PPTC7: variants seen among roughly 807,000 people sequenced by gnomAD.
The protein encoded by PPTC7 is protein phosphatase PTC7 homolog.
Under a neutral mutation model 30.8 loss-of-function variants are expected in PPTC7, and 6 were observed. That is an observed-to-expected ratio of 0.19 (90% CI 0.11 to 0.38). PPTC7 has a LOEUF of 0.38. PPTC7 is among the 10% of genes least tolerant of loss of function. PPTC7 has a pLI of 1.00. For missense variants in PPTC7, 218 were observed against 404.8 expected (o/e 0.54, Z 3.96); for synonymous variants, 163 against 168.1 (o/e 0.97, Z 0.23).
intron 3 of PPTC7, among the ~76,000 whole-genome samples, chr12:110,540,321 C>CCCCCT (rs377082561): frequency 1.4e-4 from 15 of 105,038 alleles, no homozygotes; most frequent in Non-Finnish European, 2.6e-4. Context: ...CCCCCCCCGC[C>CCCCCT]TTTTTTTTTT....
At chr12:110,555,081 G>A (rs1242476327) in intron 1 of PPTC7, among the ~76,000 whole-genome samples, 4 of 152,170 alleles carry the variant, frequency 2.6e-5, no homozygotes, top group Non-Finnish European at 5.9e-5. Flanking sequence ...AAGTAGCAGA[G>A]TGCCTATATA....
chr12:110,538,700 G>T (rs1026486964), intron 4 of PPTC7, among the ~76,000 whole-genome samples: 7 of 152,136 alleles, frequency 4.6e-5, no homozygotes, highest in Non-Finnish European at 8.8e-5. Flanking sequence ...AGAGATTCCT[G>T]TCGAGCTGTG....
intron 1 of PPTC7, among the ~76,000 whole-genome samples, chr12:110,576,801 A>T (rs1029839511): frequency 2.0e-5 from 3 of 152,226 alleles, no homozygotes; most frequent in Non-Finnish European, 4.4e-5. Context: ...TTGTGAATGT[A>T]AAAACTACTG....
intron 2 of PPTC7, among the ~76,000 whole-genome samples, chr12:110,550,911 CTCT>C (rs952602390): frequency 1.3e-5 from 2 of 152,166 alleles, no homozygotes; most frequent in African/African-American, 4.8e-5. Context: ...TTTCCTCTTG[CTCT>C]TCTTTCTTCT....
rs1257933047 is a variant in PPTC7 at position 110,583,054 on chromosome 12, A to C, written c.-23T>G. 6.2e-5 allele frequency: 84 copies of C among 1,362,816 alleles called. No homozygotes were observed. Among genetic ancestry groups the C allele is most frequent in the Non-Finnish European group, 7.4e-5 (79 of 1,068,472 alleles). 84.4% of individuals were successfully genotyped at this position (1,362,816 alleles called of 1,614,324 possible). A position where few individuals can be genotyped will look rare whatever the true frequency, so the allele number is the denominator to read the frequency against. ...CATCGCCGCCGCCGCCCCCCCGAGG[A>C]GGCGGGGGGCCGGGGGAGCAGGAGG... On this transcript the variant is annotated 5_prime_UTR_variant, in exon 1 of 6. Transcript: ENST00000354300.
intron 2 of PPTC7, among the ~76,000 whole-genome samples, chr12:110,551,012 G>A (rs2064346241): frequency 6.6e-6 from 1 of 152,124 alleles, no homozygotes; most frequent in Non-Finnish European, 1.5e-5. Flanking sequence ...CTGTCAGGTG[G>A]AATTCTGCAA....
rs1422693434 is a variant in PPTC7, at chr12:110,579,811, G to A, written c.223+2998C>T. ...GTGGATCACCTGGGGTTAGGAGTTC[G>A]AGTACAGCCTGGCCAACATGATGAA... is the stretch of plus-strand genomic sequence containing the variant. On this transcript the variant is annotated intron_variant, in intron 1 of 5. Coordinates refer to ENST00000354300, the MANE Select transcript of PPTC7 (RefSeq NM_139283.2). Among the ~76,000 whole-genome samples the A allele has an allele frequency of 3.9e-5, 6 of 152,250 alleles. No homozygotes were observed. In the East Asian group the frequency reaches 9.6e-4, roughly 24 times the overall value.
Position 110,533,892 on chromosome 12 carries a change from C to G in PPTC7, c.*3145G>C, listed in dbSNP as rs1415004213. The G allele has an allele frequency of 1.3e-5, 2 of 152,200 alleles. No individual in the cohort carries two copies. Among genetic ancestry groups the G allele is most frequent in the African/African-American group, 4.8e-5 (2 of 41,444 alleles). 9.4% of individuals were successfully genotyped at this position (152,200 alleles called of 1,614,324 possible). On this transcript the variant is annotated 3_prime_UTR_variant, in exon 6 of 6. Coordinates refer to ENST00000354300, the MANE Select transcript of PPTC7 (RefSeq NM_139283.2). ...ACTGTCCTATCCAGAACACACGCAG[C>G]TGATAGAGGAGAGGACGCTCTCCCA...
chr12:110,550,567 AAGG>A (rs1387797282), intron 2 of PPTC7, among the ~76,000 whole-genome samples: 5 of 152,036 alleles, frequency 3.3e-5, no homozygotes, highest in Non-Finnish European at 5.9e-5. Context: ...GGTGACTGGG[AAGG>A]AGGCCTTCTA....
At chr12:110,539,192 T>C (rs1228918048) in intron 4 of PPTC7, among the ~76,000 whole-genome samples, 1 of 152,114 alleles carries the variant, frequency 6.6e-6, no homozygotes, top group Non-Finnish European at 1.5e-5. Context: ...CCATTTTATA[T>C]GAAGAAAATA....
intron 2 of PPTC7, among the ~76,000 whole-genome samples, chr12:110,550,807 A>ACTG (rs1168733436): frequency 6.6e-6 from 1 of 152,214 alleles, no homozygotes; most frequent in East Asian, 1.9e-4. Flanking sequence ...TATTTCACCG[A>ACTG]CTAATCACCT....
chr12:110,540,322 T>TC (rs2064249465), intron 3 of PPTC7, among the ~76,000 whole-genome samples: 1 of 22,164 alleles, frequency 4.5e-5, no homozygotes, highest in African/African-American at 8.5e-5. Context: ...CCCCCCCGCC[T>TC]TTTTTTTTTT....
intron 1 of PPTC7, among the ~76,000 whole-genome samples, chr12:110,565,421 A>G (rs1164274943): frequency 6.6e-6 from 1 of 151,544 alleles, no homozygotes; most frequent in African/African-American, 2.4e-5. Context: ...ATGCTGGGAT[A>G]AGTTTTGTAT....
intron 2 of PPTC7, among the ~76,000 whole-genome samples, chr12:110,551,073 A>G (rs1180744974): frequency 2.0e-5 from 3 of 152,082 alleles, no homozygotes; most frequent in Non-Finnish European, 1.5e-5. Flanking sequence ...TGCAGCTTTA[A>G]GTCGTTTCTT....
At chr12:110,543,520 C>T (rs867963867) in intron 3 of PPTC7, among the ~76,000 whole-genome samples, 6 of 151,788 alleles carry the variant, frequency 4.0e-5, no homozygotes, top group Admixed American at 1.3e-4. Flanking sequence ...CAATGCAAGA[C>T]GCTCTCATCT....
intron 1 of PPTC7, among the ~76,000 whole-genome samples, chr12:110,568,551 C>T (rs1022983151): frequency 2.0e-5 from 3 of 152,170 alleles, no homozygotes; most frequent in Non-Finnish European, 2.9e-5. Context: ...CACGCCTGGC[C>T]CTCATGCATA....
intron 1 of PPTC7, among the ~76,000 whole-genome samples, chr12:110,565,288 G>C (rs1236512560): frequency 6.7e-6 from 1 of 149,718 alleles, no homozygotes; most frequent in South Asian, 2.1e-4. Flanking sequence ...ACGGAGTCTC[G>C]CTCTGTCGCC....
At chr12:110,579,576 G>C (rs1421446617) in intron 1 of PPTC7, among the ~76,000 whole-genome samples, 1 of 152,054 alleles carries the variant, frequency 6.6e-6, no homozygotes, top group Non-Finnish European at 1.5e-5. Flanking sequence ...CTGTGCACAG[G>C]GTCCTGATCC....
chr12:110,542,401 G>A (rs974231662), intron 3 of PPTC7, among the ~76,000 whole-genome samples: 2 of 151,878 alleles, frequency 1.3e-5, no homozygotes, highest in African/African-American at 2.4e-5. Flanking sequence ...GCTGTGGGTG[G>A]TGGCTCACAC....
Sources: gnomAD v4.1 joint callset for allele counts (sites outside exome capture counted in the v4.1 genomes callset) on GRCh38, gnomAD v4.1.1 for gene constraint, MANE v1.5 for transcripts, NCBI Gene and HGNC (gene_info 2026-07-23, HGNC 2026-07-21) for gene names.